Variants in SCD5 observed in about 807,000 individuals in gnomAD.
SCD5 encodes stearoyl-CoA desaturase 5.
A neutral mutation model predicts 30.4 loss-of-function variants in SCD5; 20 were observed. That is an observed-to-expected ratio of 0.66 (90% CI 0.46 to 0.96). The LOEUF (loss-of-function observed/expected upper bound fraction) is 0.96, where lower values mean the gene tolerates loss of function less well. Ranked by LOEUF, SCD5 falls within the 40% of genes least tolerant of loss-of-function variation. The pLI, the probability that SCD5 is intolerant of heterozygous loss-of-function variation, is 0.00. For synonymous variants in SCD5, 173 were observed against 176.4 expected (o/e 0.98, Z 0.16); for missense variants, 381 against 443.3 (o/e 0.86, Z 1.26).
intron 1 of SCD5, among the ~76,000 whole-genome samples, chr4:82,731,987 T>C (rs1720653682): frequency 6.6e-6 from 1 of 152,228 alleles, no homozygotes; most frequent in African/African-American, 2.4e-5. Context: ...CAACCATGAA[T>C]GTGACAATTA....
At chr4:82,685,165 T>C (rs1206630878) in intron 2 of SCD5, among the ~76,000 whole-genome samples, 1 of 152,168 alleles carries the variant, frequency 6.6e-6, no homozygotes, top group African/African-American at 2.4e-5. Flanking sequence ...GGAGCTACAT[T>C]AGTTCTAAGA....
chr4:82,678,792 CTG>C (rs1407424034), intron 3 of SCD5, among the ~76,000 whole-genome samples: 6 of 152,176 alleles, frequency 3.9e-5, no homozygotes, highest in African/African-American at 1.4e-4. Flanking sequence ...TCTGTTAAGA[CTG>C]TGAATGATTT....
intron 1 of SCD5, among the ~76,000 whole-genome samples, chr4:82,710,858 G>A (rs1174324631): frequency 2.1e-5 from 3 of 142,770 alleles, no homozygotes; most frequent in Non-Finnish European, 4.5e-5. Flanking sequence ...GAGAGAAAAT[G>A]AGAGAGAGAG....
intron 2 of SCD5, among the ~76,000 whole-genome samples, chr4:82,686,766 C>T (rs2148822928): frequency 6.6e-6 from 1 of 152,212 alleles, no homozygotes; most frequent in African/African-American, 2.4e-5. Context: ...TGATCCTATA[C>T]TCTGAAATTA....
chr4:82,743,054 T>C (rs7679085), intron 1 of SCD5, among the ~76,000 whole-genome samples: 87,617 of 151,958 alleles, frequency 0.58, 25,642 homozygotes, highest in South Asian at 0.7. Flanking sequence ...CCCAGCCCTT[T>C]CCACTGAGAC....
chr4:82,734,422 T>C (rs1269593322), intron 1 of SCD5, among the ~76,000 whole-genome samples: 4 of 152,228 alleles, frequency 2.6e-5, no homozygotes, highest in Non-Finnish European at 4.4e-5. Flanking sequence ...AATCACACTT[T>C]TCCTCTACGT....
chr4:82,743,267 T>C (rs1463251329), intron 1 of SCD5, among the ~76,000 whole-genome samples: 5 of 152,166 alleles, frequency 3.3e-5, no homozygotes, highest in African/African-American at 1.2e-4. Flanking sequence ...CCCAGCACTT[T>C]GGGAGGCCGA....
At chr4:82,647,570 A>G (rs1727658290) in intron 3 of SCD5, among the ~76,000 whole-genome samples, 1 of 152,176 alleles carries the variant, frequency 6.6e-6, no homozygotes, top group East Asian at 1.9e-4. Flanking sequence ...GTGCACAACA[A>G]TGTGCTCTAA....
Position 82,798,538 on chromosome 4 carries a change from G to T in SCD5, c.-1C>A. 6.3e-7 allele frequency: 1 copy of T among 1,580,744 alleles called. No homozygotes were observed. On this transcript the variant is annotated 5_prime_UTR_variant, in exon 1 of 5. Transcript: ENST00000319540. ...CCGCGTCGGTGGCCGGGCCTGGCAT[G>T]GCTGGGCGAGGTGGGCGCCCGCAGC...
At chr4:82,739,492 C>T (rs540829244) in intron 1 of SCD5, among the ~76,000 whole-genome samples, 5 of 152,370 alleles carry the variant, frequency 3.3e-5, no homozygotes, top group South Asian at 2.1e-4. Context: ...GTGGCCTCCC[C>T]GCACTGCCCT....
intron 1 of SCD5, among the ~76,000 whole-genome samples, chr4:82,780,954 A>G (rs545391544): frequency 1.1e-4 from 17 of 152,300 alleles, no homozygotes; most frequent in Non-Finnish European, 1.9e-4. Context: ...AGACACCAAC[A>G]GTTAGAGGTG....
At chr4:82,668,662 C>T (rs987840380) in intron 3 of SCD5, among the ~76,000 whole-genome samples, 11 of 152,204 alleles carry the variant, frequency 7.2e-5, no homozygotes, top group African/African-American at 2.7e-4. Context: ...AAGAGCTGAG[C>T]TCTGCTTACA....
chr4:82,772,188 T>C (rs923344350), intron 1 of SCD5, among the ~76,000 whole-genome samples: 1 of 152,192 alleles, frequency 6.6e-6, no homozygotes, highest in African/African-American at 2.4e-5. Context: ...AGCAATCAGA[T>C]GGAAGGTGGT....
chr4:82,774,769 G>A (rs934543962), intron 1 of SCD5, among the ~76,000 whole-genome samples: 2 of 152,078 alleles, frequency 1.3e-5, no homozygotes, highest in Admixed American at 1.3e-4. Context: ...CTCCCACCCT[G>A]CCCGCTTCTC....
chr4:82,786,862 A>G (rs1309186286), intron 1 of SCD5, among the ~76,000 whole-genome samples: 2 of 151,992 alleles, frequency 1.3e-5, no homozygotes, highest in Non-Finnish European at 2.9e-5. Flanking sequence ...AACGTAGATC[A>G]AGCACTTACC....
chr4:82,786,959 A>T (rs1722002848), intron 1 of SCD5, among the ~76,000 whole-genome samples: 1 of 152,158 alleles, frequency 6.6e-6, no homozygotes, highest in African/African-American at 2.4e-5. Flanking sequence ...TTTTTCTGAC[A>T]TCTGCCCTTT....
intron 1 of SCD5, among the ~76,000 whole-genome samples, chr4:82,715,502 C>T (rs141598735): frequency 6.6e-6 from 1 of 151,456 alleles, no homozygotes; most frequent in East Asian, 1.9e-4. Flanking sequence ...ACAAGTTACT[C>T]ATCACTCTGG....
rs1220035663 is a variant in SCD5, at chr4:82,629,750, G to A, written c.*1577C>T. The A allele has an allele frequency of 2.0e-5, 3 of 152,074 alleles. No individual in the cohort carries two copies. Among genetic ancestry groups the A allele is most frequent in the Non-Finnish European group, 4.4e-5 (3 of 68,006 alleles). The allele number at this position is 152,074 out of a possible 1,614,324, so 9.4% of individuals were successfully genotyped here. A position where few individuals can be genotyped will look rare whatever the true frequency, so the allele number is the denominator to read the frequency against. On this transcript the variant is annotated 3_prime_UTR_variant, in exon 5 of 5. Coordinates refer to ENST00000319540, the MANE Select transcript of SCD5 (RefSeq NM_001037582.3). Reference sequence around the variant, plus strand: ...AAGTGCTCCAATACTAACACTATAAGCCCTTTCTTTTGCTCTAACATCTAA... The same window carrying A: ...AAGTGCTCCAATACTAACACTATAAACCCTTTCTTTTGCTCTAACATCTAA...
At chr4:82,748,334 G>T (rs1195614109) in intron 1 of SCD5, among the ~76,000 whole-genome samples, 1 of 152,072 alleles carries the variant, frequency 6.6e-6, no homozygotes, top group Admixed American at 6.5e-5. Context: ...CAGGGCACGG[G>T]GGAGAGGAGG....
Sources: gnomAD v4.1 joint callset for allele counts (sites outside exome capture counted in the v4.1 genomes callset) on GRCh38, gnomAD v4.1.1 for gene constraint, MANE v1.5 for transcripts, NCBI Gene and HGNC (gene_info 2026-07-23, HGNC 2026-07-21) for gene names.